THSD7B: variants seen among roughly 807,000 people sequenced by gnomAD.
THSD7B encodes the protein thrombospondin type-1 domain-containing protein 7B.
In THSD7B, 138 loss-of-function variants were observed where a neutral mutation model predicts 213.6. The observed-to-expected ratio is 0.65, with a 90% CI of 0.56 to 0.74. The LOEUF (loss-of-function observed/expected upper bound fraction) is 0.74, where lower values mean the gene tolerates loss of function less well. Among genes scored for constraint, THSD7B ranks in the 30% least tolerant of loss-of-function variants. The probability of loss-of-function intolerance (pLI) is 0.00; values close to 1 mark genes in which losing one functional copy is unlikely to be tolerated. For missense variants in THSD7B, 1,931 were observed against 1,991.5 expected, an observed-to-expected ratio of 0.97 and a Z score of 0.58; for synonymous variants, 742 against 687.0, an observed-to-expected ratio of 1.08 and a Z score of -1.25.
intron 12 of THSD7B, among the ~76,000 whole-genome samples, chr2:137,394,835 C>T (rs1163347419): frequency 2.9e-5 from 4 of 140,108 alleles, no homozygotes; most frequent in Non-Finnish European, 6.2e-5. Context: ...TCTTTTATTT[C>T]GTTGAGCAGT....
intron 12 of THSD7B, among the ~76,000 whole-genome samples, chr2:137,335,659 A>G (rs1684622708): frequency 6.6e-6 from 1 of 152,170 alleles, no homozygotes; most frequent in African/African-American, 2.4e-5. Flanking sequence ...TTAAGGACAG[A>G]GGGGGTAGTA....
At chr2:137,417,193 T>C (rs1233651094) in intron 14 of THSD7B, among the ~76,000 whole-genome samples, 1 of 152,212 alleles carries the variant, frequency 6.6e-6, no homozygotes, top group Non-Finnish European at 1.5e-5. Context: ...AATATTTACA[T>C]GTTTGCAATC....
At chr2:137,365,311 C>T (rs1480616070) in intron 12 of THSD7B, among the ~76,000 whole-genome samples, 1 of 152,180 alleles carries the variant, frequency 6.6e-6, no homozygotes, top group Non-Finnish European at 1.5e-5. Flanking sequence ...TAGGCAATGC[C>T]ATTTAGGACA....
chr2:137,641,644 T>C (rs1201984833), intron 20 of THSD7B, among the ~76,000 whole-genome samples: 1 of 152,080 alleles, frequency 6.6e-6, no homozygotes, highest in African/African-American at 2.4e-5. Context: ...ATAATGTAGG[T>C]TATTCCATCA....
chr2:136,938,589 A>T (rs1233333170), intron 2 of THSD7B, among the ~76,000 whole-genome samples: 2 of 152,276 alleles, frequency 1.3e-5, no homozygotes, highest in East Asian at 3.9e-4. Context: ...AACCAAAAAC[A>T]TTCTTTTCCT....
intron 16 of THSD7B, among the ~76,000 whole-genome samples, chr2:137,565,074 A>G (rs892025885): frequency 6.6e-6 from 1 of 152,166 alleles, no homozygotes; most frequent in African/African-American, 2.4e-5. Flanking sequence ...ATGTGAAGAC[A>G]GGGAGAAGAT....
chr2:137,516,377 G>A (rs1313189817), intron 15 of THSD7B, among the ~76,000 whole-genome samples: 1 of 152,102 alleles, frequency 6.6e-6, no homozygotes, highest in Non-Finnish European at 1.5e-5. Flanking sequence ...GAGAGACCAG[G>A]TCCCCTTGAC....
At chr2:137,383,012 A>G (rs1394340390) in intron 12 of THSD7B, among the ~76,000 whole-genome samples, 1 of 152,200 alleles carries the variant, frequency 6.6e-6, no homozygotes, top group Non-Finnish European at 1.5e-5. Flanking sequence ...ATAGATGGTG[A>G]TCACCAAGGA....
intron 20 of THSD7B, among the ~76,000 whole-genome samples, chr2:137,640,709 G>T (rs755515404): frequency 6.6e-6 from 1 of 152,184 alleles, no homozygotes. Context: ...TGCATATGAA[G>T]TGTTGAAAAT....
intron 12 of THSD7B, among the ~76,000 whole-genome samples, chr2:137,324,284 G>C (rs12475391): frequency 0.56 from 84,678 of 152,014 alleles, 26,547 homozygotes; most frequent in East Asian, 0.76. Flanking sequence ...TGATACTTAA[G>C]AAGTGTTTCT....
At chr2:136,904,877 T>C (rs1024950840) in intron 2 of THSD7B, among the ~76,000 whole-genome samples, 33 of 152,242 alleles carry the variant, frequency 2.2e-4, no homozygotes, top group Admixed American at 2.2e-3. Context: ...ATTCTTTTGT[T>C]TTTGCTCTTC....
chr2:137,154,621 A>G (rs996961304), intron 5 of THSD7B, among the ~76,000 whole-genome samples: 9 of 152,144 alleles, frequency 5.9e-5, no homozygotes, highest in African/African-American at 2.2e-4. Flanking sequence ...ATGTATACTC[A>G]TTGATTCTTT....
chr2:136,819,986 G>A (rs138502925), intron 1 of THSD7B, among the ~76,000 whole-genome samples: 1 of 152,130 alleles, frequency 6.6e-6, no homozygotes, highest in East Asian at 1.9e-4. Flanking sequence ...ACCCCTTCAA[G>A]TCTTTGCTCT....
chr2:136,797,491 A>G (rs1413968220), intron 1 of THSD7B, among the ~76,000 whole-genome samples: 4 of 152,016 alleles, frequency 2.6e-5, no homozygotes, highest in Non-Finnish European at 5.9e-5. Flanking sequence ...AACTTCACAG[A>G]AAGACCATAG....
intron 12 of THSD7B, among the ~76,000 whole-genome samples, chr2:137,373,470 G>T (rs922678868): frequency 2.8e-4 from 43 of 152,172 alleles, no homozygotes; most frequent in African/African-American, 9.7e-4. Context: ...ATTTTTTCAT[G>T]TGTTTTTTGG....
chr2:137,464,247 A>G (rs535112871), intron 15 of THSD7B, among the ~76,000 whole-genome samples: 1 of 152,182 alleles, frequency 6.6e-6, no homozygotes, highest in Non-Finnish European at 1.5e-5. Context: ...CTCAAAACAT[A>G]TACTACTCAG....
At chr2:136,898,343 A>G (rs1275523775) in intron 2 of THSD7B, among the ~76,000 whole-genome samples, 1 of 152,146 alleles carries the variant, frequency 6.6e-6, no homozygotes, top group Non-Finnish European at 1.5e-5. Flanking sequence ...TTTGACTTCT[A>G]AGACAAAGAA....
At chr2:137,363,998 T>C (rs982407880) in intron 12 of THSD7B, among the ~76,000 whole-genome samples, 2 of 152,282 alleles carry the variant, frequency 1.3e-5, no homozygotes, top group East Asian at 3.9e-4. Flanking sequence ...CTCAATAAAA[T>C]ACTGGGAAAC....
intron 2 of THSD7B, among the ~76,000 whole-genome samples, chr2:137,011,110 C>T (rs1243090333): frequency 1.3e-5 from 2 of 152,178 alleles, no homozygotes; most frequent in African/African-American, 4.8e-5. Context: ...TTCCCCTTCA[C>T]ACCAACAGGA....
Sources: gnomAD v4.1 joint callset for allele counts (sites outside exome capture counted in the v4.1 genomes callset) on GRCh38, gnomAD v4.1.1 for gene constraint, MANE v1.5 for transcripts, NCBI Gene and HGNC (gene_info 2026-07-23, HGNC 2026-07-21) for gene names.